HEPHL1: variants seen among roughly 807,000 people sequenced by gnomAD.
HEPHL1 encodes ferroxidase HEPHL1.
HEPHL1 carries 123 observed loss-of-function variants against 122.0 expected under a neutral mutation model. The observed-to-expected ratio is 1.01, with a 90% CI of 0.87 to 1.17. The LOEUF (loss-of-function observed/expected upper bound fraction) is 1.17. HEPHL1 is among the 50% of genes most tolerant of loss of function. The pLI is 0.00. For missense variants in HEPHL1, 1,452 were observed against 1,430.5 expected (o/e 1.01, Z -0.24); for synonymous variants, 527 against 508.9 (o/e 1.04, Z -0.48).
At position 94,021,477 on chromosome 11, in the gene HEPHL1, T is replaced by A. The variant is rs192979315; in HGVS notation, c.109T>A (p.Tyr37Asn). The A allele has an allele frequency of 6.1e-5, 98 of 1,613,382 alleles. 1 individual carries two copies. In the East Asian group the frequency reaches 1.9e-3, roughly 31 times the overall value. ...GTACTACATTGGGATTGTGGAAGAA[T>A]ACTGGAACTATGTACCCCAAGGGAA... The part of the protein sequence containing the change: ...RTYYIGIVEE[Y>N]WNYVPQGKNV... Residue 37 changes from tyrosine to asparagine, a missense_variant, in exon 1 of 20, where the codon TAC becomes AAC. By Grantham distance (143) the Tyr-to-Asn change is moderately radical. Coordinates refer to ENST00000315765, the MANE Select transcript of HEPHL1 (RefSeq NM_001098672.2).
Position 94,037,543 on chromosome 11 carries a change from T to G in HEPHL1, c.171-8130T>G, listed in dbSNP as rs534948303. ...ATCTGAGAACGGGCAGACTGCCTCC[T>G]CAAGTGGGTCCCTGACCCCTGACCC... On this transcript the variant is annotated intron_variant, in intron 1 of 19. Transcript: ENST00000315765. Among the ~76,000 whole-genome samples the G allele has an allele frequency of 9.2e-5, 14 of 152,200 alleles. No individual in the cohort carries two copies. The South Asian group carries it at 2.9e-3, about 32-fold the overall frequency.
At chr11:94,070,643 CT>C in intron 6 of HEPHL1, 101 bp downstream of exon 6, 2 of 954,338 alleles carry the variant, frequency 2.1e-6, no homozygotes, top group Non-Finnish European at 3.2e-6. Flanking sequence ...CTCTGATGAG[CT>C]TATACTGCAT....
At chr11:94,078,907 C>G (rs1439357394) in intron 9 of HEPHL1, among the ~76,000 whole-genome samples, 1 of 152,164 alleles carries the variant, frequency 6.6e-6, no homozygotes, top group Non-Finnish European at 1.5e-5. Flanking sequence ...TCTGGGCACA[C>G]TGTGGCCCAG....
At chr11:94,100,155 A>AC (rs1394272605) in intron 13 of HEPHL1, among the ~76,000 whole-genome samples, 1 of 151,970 alleles carries the variant, frequency 6.6e-6, no homozygotes, top group Non-Finnish European at 1.5e-5. Context: ...TCTTGGAACT[A>AC]CCCCCTAAGA....
At chr11:94,037,705 C>T (rs958631192) in intron 1 of HEPHL1, among the ~76,000 whole-genome samples, 14 of 152,142 alleles carry the variant, frequency 9.2e-5, no homozygotes, top group African/African-American at 2.9e-4. Flanking sequence ...ACATCCACAC[C>T]GAATACCCAT....
Position 94,076,277 on chromosome 11 carries a change from T to C in HEPHL1, c.1716+892T>C, listed in dbSNP as rs11020647. On this transcript the variant is annotated intron_variant, in intron 9 of 19. Coordinates refer to ENST00000315765, the MANE Select transcript of HEPHL1 (RefSeq NM_001098672.2). ...ACACAAGGCAAAGCGGAATGATTAT[T>C]CATATTTTAAAGCTGAAGAAACTAA... is the stretch of plus-strand genomic sequence containing the variant. 2.2e-4 allele frequency among the ~76,000 whole-genome samples: 34 copies of C among 152,286 alleles called. No individual in the cohort carries two copies. In the East Asian group the frequency reaches 6.0e-3, roughly 27 times the overall value.
At chr11:94,105,849 G>A in intron 16 of HEPHL1, 142 bp from the exon 17 acceptor site, 2 of 466,276 alleles carry the variant, frequency 4.3e-6, no homozygotes, top group Non-Finnish European at 3.7e-6. Context: ...AGAATGGTAG[G>A]ACACTGCTAG....
intron 17 of HEPHL1, among the ~76,000 whole-genome samples, 191 bp downstream of exon 17, chr11:94,106,321 C>G (rs1427323728): frequency 3.0e-5 from 4 of 135,208 alleles, no homozygotes; most frequent in Non-Finnish European, 4.6e-5. Context: ...GAGACGGAGT[C>G]TTGCTCTGTT....
At chr11:94,046,162 T>C (rs531191626) in intron 2 of HEPHL1, among the ~76,000 whole-genome samples, 1 of 134,586 alleles carries the variant, frequency 7.4e-6, no homozygotes, top group Non-Finnish European at 1.5e-5. Flanking sequence ...TGGCATGATA[T>C]CAGCTCACTG....
At chr11:94,026,097 C>T (rs769686804) in intron 1 of HEPHL1, among the ~76,000 whole-genome samples, 1 of 152,168 alleles carries the variant, frequency 6.6e-6, no homozygotes, top group Non-Finnish European at 1.5e-5. Context: ...TCTGATCCAC[C>T]ATCCTTAGCC....
intron 1 of HEPHL1, among the ~76,000 whole-genome samples, chr11:94,040,092 AC>A (rs1194948475): frequency 4.5e-5 from 3 of 67,236 alleles, no homozygotes; most frequent in Non-Finnish European, 8.4e-5. Context: ...TACTACAAAC[AC>A]CTCTACGCAA....
rs759786503 is a variant in HEPHL1 at position 94,111,553 on chromosome 11, C to T, written c.3225C>T (p.Tyr1075=). Reference sequence around the variant, plus strand: ...TTTGTGCAGACAACAGGATTCCTTACTCCACCACATCTCCTGGAGTGGCAT... The same window carrying T: ...TTTGTGCAGACAACAGGATTCCTTATTCCACCACATCTCCTGGAGTGGCAT... ...VLRNIDNRIP[Y]STTSPGVASH... is the part of the protein sequence containing the mutation. The change falls in exon 19 of 20, where the codon TAC becomes TAT. Residue 1075 remains tyrosine (Y), a synonymous_variant. Transcript: ENST00000315765. 2 of 1,603,182 alleles carry T rather than the reference C, an allele frequency of 1.2e-6. No individual in the cohort carries two copies. The highest frequency in any genetic ancestry group is 1.7e-6 in the Non-Finnish European group (2 of 1,174,456).
At chr11:94,041,210 A>G (rs1279079760) in intron 1 of HEPHL1, among the ~76,000 whole-genome samples, 1 of 151,022 alleles carries the variant, frequency 6.6e-6, no homozygotes, top group Admixed American at 6.6e-5. Flanking sequence ...GCCACTGCTC[A>G]AGGAAATAAA....
intron 1 of HEPHL1, among the ~76,000 whole-genome samples, chr11:94,037,883 G>A (rs926068183): frequency 5.3e-5 from 8 of 151,878 alleles, no homozygotes; most frequent in Non-Finnish European, 7.3e-5. Context: ...TGATTTTGCC[G>A]AGCTGACAGA....
At chr11:94,027,662 T>G (rs1399577408) in intron 1 of HEPHL1, among the ~76,000 whole-genome samples, 1 of 152,204 alleles carries the variant, frequency 6.6e-6, no homozygotes, top group Non-Finnish European at 1.5e-5. Context: ...AGAGGTTAAG[T>G]CTCTTCCCCA....
At chr11:94,046,495 A>C (rs2462755) in intron 2 of HEPHL1, among the ~76,000 whole-genome samples, 146,704 of 147,780 alleles carry the variant, frequency 0.99, 72,830 homozygotes, top group East Asian at 1. Flanking sequence ...TCCACCACGC[A>C]CCAGGAACAC....
At chr11:94,063,090 G>C (rs1384524876) in intron 2 of HEPHL1, among the ~76,000 whole-genome samples, 2 of 152,154 alleles carry the variant, frequency 1.3e-5, no homozygotes, top group African/African-American at 4.8e-5. Flanking sequence ...CTACACAGGT[G>C]GTGAATCTGA....
chr11:94,046,959 G>T (rs1945844689), intron 2 of HEPHL1, among the ~76,000 whole-genome samples: 2 of 152,104 alleles, frequency 1.3e-5, no homozygotes. Flanking sequence ...GGAGTTTCTG[G>T]GCATTAACAA....
chr11:94,102,650 T>C (rs932968066), intron 14 of HEPHL1, among the ~76,000 whole-genome samples: 1 of 152,212 alleles, frequency 6.6e-6, no homozygotes, highest in African/African-American at 2.4e-5. Flanking sequence ...ATAAAATGTT[T>C]TTATTTCCTG....
Sources: gnomAD v4.1 joint callset for allele counts (sites outside exome capture counted in the v4.1 genomes callset) on GRCh38, gnomAD v4.1.1 for gene constraint, MANE v1.5 for transcripts, NCBI Gene and HGNC (gene_info 2026-07-23, HGNC 2026-07-21) for gene names.